The following SGCZ variants were observed in gnomAD, a reference collection of about 807,000 sequenced individuals.
The protein encoded by SGCZ is sarcoglycan zeta.
Under a neutral mutation model 41.3 loss-of-function variants are expected in SGCZ, and 40 were observed. The ratio of observed to expected loss-of-function variants is 0.97; its 90% CI spans 0.75 to 1.26. The LOEUF is 1.26. SGCZ is among the 50% of genes most tolerant of loss of function. The probability of loss-of-function intolerance (pLI) is 0.00; values close to 1 mark genes in which losing one functional copy is unlikely to be tolerated. For missense variants in SGCZ, 552 were observed against 369.8 expected (o/e 1.49, Z -4.04); for synonymous variants, 206 against 137.5 (o/e 1.50, Z -3.49).
At chr8:14,629,131 C>A (rs943830576) in intron 1 of SGCZ, among the ~76,000 whole-genome samples, 1 of 151,972 alleles carries the variant, frequency 6.6e-6, no homozygotes, top group African/African-American at 2.4e-5. Flanking sequence ...AAATTGAAGC[C>A]CCTATATCCA....
intron 1 of SGCZ, among the ~76,000 whole-genome samples, chr8:14,744,598 T>C (rs755387401): frequency 6.6e-6 from 1 of 152,128 alleles, no homozygotes; most frequent in Non-Finnish European, 1.5e-5. Flanking sequence ...TGGATCCACG[T>C]AGAGGTGTAG....
chr8:14,439,801 C>G lies in SGCZ; in HGVS notation c.234+114931G>C, dbSNP rs1320461116. The stretch of plus-strand genomic sequence containing the variant: ...ATGATAAACAGTATCTATAGGAAGC[C>G]TGGAACTTATATTATGCTTAATGAT... On this transcript the variant is annotated intron_variant, in intron 2 of 7. Transcript: ENST00000382080. 5.3e-5 allele frequency among the ~76,000 whole-genome samples: 8 copies of G among 151,834 alleles called. No homozygotes were observed. In the South Asian group the frequency reaches 1.5e-3, roughly 28 times the overall value.
At chr8:14,181,101 G>T (rs1464116691) in intron 4 of SGCZ, among the ~76,000 whole-genome samples, 1 of 152,092 alleles carries the variant, frequency 6.6e-6, no homozygotes, top group Non-Finnish European at 1.5e-5. Flanking sequence ...CAGGCCTGAG[G>T]CCCACAGTAG....
Position 15,095,799 on chromosome 8 carries a change from T to C in SGCZ, c.39+141786A>G, listed in dbSNP as rs372480826. The stretch of plus-strand genomic sequence containing the variant: ...GAATTGCAGTCGAGGAGTTGCCAAA[T>C]CAAACAAAATGCATCTTTATTCCTA... On this transcript the variant is annotated intron_variant, in intron 1 of 7. Coordinates refer to ENST00000382080, the MANE Select transcript of SGCZ (RefSeq NM_139167.4). Among the ~76,000 whole-genome samples the C allele has an allele frequency of 1.9e-3, 294 of 152,206 alleles. 2 individuals carry two copies. Among genetic ancestry groups the C allele is most frequent in the African/African-American group, 6.6e-3 (276 of 41,554 alleles).
chr8:14,254,621 A>C (rs1346961042), intron 3 of SGCZ, among the ~76,000 whole-genome samples: 3 of 152,236 alleles, frequency 2.0e-5, no homozygotes, highest in African/African-American at 7.2e-5. Flanking sequence ...TTAATTTGAT[A>C]TCTGATTTAC....
intron 1 of SGCZ, among the ~76,000 whole-genome samples, chr8:14,558,378 C>T (rs1178412961): frequency 6.6e-6 from 1 of 152,012 alleles, no homozygotes; most frequent in Non-Finnish European, 1.5e-5. Context: ...AGTTTAAGAC[C>T]AGCCTGGCCA....
intron 1 of SGCZ, among the ~76,000 whole-genome samples, chr8:14,567,098 C>T (rs1314777992): frequency 6.6e-6 from 1 of 152,202 alleles, no homozygotes; most frequent in Non-Finnish European, 1.5e-5. Context: ...TCGGGACCTG[C>T]AGCCCGCCAT....
Position 14,346,505 on chromosome 8 carries a change from C to A in SGCZ, c.235-22301G>T, listed in dbSNP as rs374775656. ...ATACTAAGGAGGCTGGTTAGGTGAA[C>A]CCACTCATTATTTCAAGCCATAGAG... is the stretch of plus-strand genomic sequence containing the variant. On this transcript the variant is annotated intron_variant, in intron 2 of 7. Transcript: ENST00000382080. Among the ~76,000 whole-genome samples the A allele has an allele frequency of 1.2e-4, 19 of 152,020 alleles. No homozygotes were observed. The East Asian group carries it at 1.5e-3, about 12-fold the overall frequency.
chr8:15,218,660 C>T lies in SGCZ; in HGVS notation c.39+18925G>A, dbSNP rs561655775. Reference sequence around the variant, plus strand: ...TTCCTAGTGTACCCACATGAGTACACTCGTTTTTTTACAGCCCAATCATGT... The same window carrying T: ...TTCCTAGTGTACCCACATGAGTACATTCGTTTTTTTACAGCCCAATCATGT... On this transcript the variant is annotated intron_variant, in intron 1 of 7. Transcript: ENST00000382080. Among the ~76,000 whole-genome samples the T allele has an allele frequency of 3.2e-4, 49 of 152,250 alleles. No homozygotes were observed. In the South Asian group the frequency reaches 9.9e-3, roughly 31 times the overall value.
At chr8:14,372,610 G>C (rs1382921309) in intron 2 of SGCZ, among the ~76,000 whole-genome samples, 1 of 152,130 alleles carries the variant, frequency 6.6e-6, no homozygotes, top group Non-Finnish European at 1.5e-5. Context: ...TGTAGGAGCA[G>C]CCTCACTGAA....
intron 1 of SGCZ, among the ~76,000 whole-genome samples, chr8:15,212,253 C>T (rs1801257659): frequency 2.0e-5 from 3 of 152,204 alleles, no homozygotes; most frequent in South Asian, 4.1e-4. Flanking sequence ...GCTACTCAAT[C>T]CTACACCAAC....
chr8:14,762,649 A>G (rs1294503522), intron 1 of SGCZ, among the ~76,000 whole-genome samples: 1 of 152,186 alleles, frequency 6.6e-6, no homozygotes, highest in Non-Finnish European at 1.5e-5. Context: ...ACATGAAAAA[A>G]ATCTTCAGGA....
chr8:14,367,963 C>G (rs527322895), intron 2 of SGCZ, among the ~76,000 whole-genome samples: 2 of 152,004 alleles, frequency 1.3e-5, no homozygotes, highest in African/African-American at 4.8e-5. Context: ...ATCTCACTTA[C>G]AAATATAATA....
At chr8:14,869,490 T>C (rs964850683) in intron 1 of SGCZ, among the ~76,000 whole-genome samples, 3 of 152,182 alleles carry the variant, frequency 2.0e-5, no homozygotes, top group Non-Finnish European at 4.4e-5. Flanking sequence ...TCATACTGAA[T>C]GGGCAAAAGC....
intron 1 of SGCZ, among the ~76,000 whole-genome samples, chr8:14,701,669 A>T (rs1809142246): frequency 6.6e-6 from 1 of 151,816 alleles, no homozygotes; most frequent in Non-Finnish European, 1.5e-5. Flanking sequence ...CTTACGGCCC[A>T]ATGTCTTGTT....
intron 1 of SGCZ, among the ~76,000 whole-genome samples, chr8:14,969,602 T>G (rs540319885): frequency 1.3e-5 from 2 of 152,072 alleles, no homozygotes; most frequent in East Asian, 3.9e-4. Context: ...TTTGTTTTTG[T>G]TTTTGTTTTG....
intron 3 of SGCZ, among the ~76,000 whole-genome samples, chr8:14,273,748 C>A (rs74407237): frequency 0.032 from 4,862 of 152,074 alleles, 96 homozygotes; most frequent in African/African-American, 0.053. Context: ...AGGCAATATC[C>A]AATGCAGCCT....
At chr8:14,131,686 A>C (rs1803045696) in intron 5 of SGCZ, among the ~76,000 whole-genome samples, 2 of 152,176 alleles carry the variant, frequency 1.3e-5, no homozygotes. Context: ...TCAAATTTGT[A>C]ATGTTTTAGG....
chr8:14,788,463 G>A (rs1279708020), intron 1 of SGCZ, among the ~76,000 whole-genome samples: 5 of 152,128 alleles, frequency 3.3e-5, no homozygotes, highest in East Asian at 1.9e-4. Flanking sequence ...TTTGTTAACC[G>A]TGAAATTTTG....
Sources: gnomAD v4.1 joint callset for allele counts (sites outside exome capture counted in the v4.1 genomes callset) on GRCh38, gnomAD v4.1.1 for gene constraint, MANE v1.5 for transcripts, NCBI Gene and HGNC (gene_info 2026-07-23, HGNC 2026-07-21) for gene names.